TBC1D15: variants seen among roughly 807,000 people sequenced by gnomAD.
TBC1D15 encodes the protein TBC1 domain family member 15.
TBC1D15 carries 39 observed loss-of-function variants against 95.4 expected under a neutral mutation model. The ratio of observed to expected loss-of-function variants is 0.41; its 90% CI spans 0.32 to 0.53. The LOEUF (loss-of-function observed/expected upper bound fraction) is 0.53. Ranked by LOEUF, TBC1D15 falls within the 20% of genes least tolerant of loss-of-function variation. TBC1D15 has a pLI of 0.29. For synonymous variants in TBC1D15, 258 were observed against 261.3 expected, an observed-to-expected ratio of 0.99 and a Z score of 0.12; for missense variants, 733 against 794.3, an observed-to-expected ratio of 0.92 and a Z score of 0.93.
At chr12:71,922,922 C>A in intron 16 of TBC1D15, 61 bp from the exon 17 acceptor site, 5 of 1,488,112 alleles carry the variant, frequency 3.4e-6, no homozygotes, top group African/African-American at 1.4e-5. Context: ...AGAAGTGTTA[C>A]TTTGTGGTTA....
At position 71,865,984 on chromosome 12, in the gene TBC1D15, T is replaced by C. The variant is rs575632721; in HGVS notation, c.31-6086T>C. Among the ~76,000 whole-genome samples, 3 of 152,176 alleles carry C rather than the reference T, an allele frequency of 2.0e-5. No individual in the cohort carries two copies. In the East Asian group the frequency reaches 5.8e-4, roughly 30 times the overall value. ...ACTGTTTCAACTTGGGAACTGGGGA[T>C]ATGGGACTGCTCTGAGTGGCCAAAG... On this transcript the variant is annotated intron_variant, in intron 1 of 16. Coordinates refer to ENST00000485960, the MANE Select transcript of TBC1D15 (RefSeq NM_001146213.3).
At chr12:71,883,348 A>G (rs1368056675) in intron 4 of TBC1D15, among the ~76,000 whole-genome samples, 1 of 152,138 alleles carries the variant, frequency 6.6e-6, no homozygotes, top group Non-Finnish European at 1.5e-5. Context: ...AAAGTAGTCA[A>G]GTGGGCACAT....
At chr12:71,906,813 C>T (rs1471290445) in intron 10 of TBC1D15, among the ~76,000 whole-genome samples, 2 of 151,968 alleles carry the variant, frequency 1.3e-5, no homozygotes, top group Admixed American at 6.5e-5. Flanking sequence ...TTAAAATCTG[C>T]CCATGAGGAG....
In TBC1D15 at chr12:71,913,926, G is replaced by A. The variant is rs1366196996; in HGVS notation, c.1401G>A (p.Met467Ile). 1 of 1,577,950 alleles carries A rather than the reference G, an allele frequency of 6.3e-7. No individual in the cohort carries two copies. The highest frequency in any genetic ancestry group is 1.4e-5 in the African/African-American group (1 of 72,366). ...FWCFASYMDQ[M>I]HQNFEEQMQG... ...GCTTTGCCTCTTACATGGACCAAAT[G>A]GTAAGAACAGAGATTCCTTCCATTA... The change falls in exon 12 of 17, where the codon ATG (methionine) becomes ATA (isoleucine). Residue 467 changes from methionine to isoleucine, a missense_variant and splice_region_variant. Transcript: ENST00000485960.
chr12:71,843,419 A>C (rs1470625103), intron 1 of TBC1D15, among the ~76,000 whole-genome samples: 3 of 152,116 alleles, frequency 2.0e-5, no homozygotes, highest in Non-Finnish European at 2.9e-5. Flanking sequence ...TAGTCCTATA[A>C]AATTTTTGTG....
chr12:71,869,508 G>A (rs1462591506), intron 1 of TBC1D15, among the ~76,000 whole-genome samples: 1 of 152,106 alleles, frequency 6.6e-6, no homozygotes, highest in East Asian at 1.9e-4. Context: ...GGGCAACAGA[G>A]CAAAACTGTG....
intron 3 of TBC1D15, among the ~76,000 whole-genome samples, chr12:71,875,430 C>T (rs867744022): frequency 7.2e-5 from 11 of 151,902 alleles, no homozygotes; most frequent in Admixed American, 2.6e-4. Flanking sequence ...GTGCTTTTGG[C>T]GTGTCATATC....
intron 1 of TBC1D15, among the ~76,000 whole-genome samples, chr12:71,865,400 C>T (rs1891275806): frequency 6.6e-6 from 1 of 152,050 alleles, no homozygotes; most frequent in South Asian, 2.1e-4. Context: ...CAGGGTGTGG[C>T]TACAGTTCAG....
chr12:71,895,110 C>A (rs1191960984), intron 7 of TBC1D15, among the ~76,000 whole-genome samples: 1 of 151,912 alleles, frequency 6.6e-6, no homozygotes, highest in African/African-American at 2.4e-5. Context: ...TCTTTGATTA[C>A]CTTTTGATAA....
At chr12:71,866,848 C>G (rs181955835) in intron 1 of TBC1D15, among the ~76,000 whole-genome samples, 1 of 152,174 alleles carries the variant, frequency 6.6e-6, no homozygotes. Context: ...GCCTTCTAGA[C>G]GACCATCTTG....
chr12:71,894,861 C>G lies in TBC1D15; in HGVS notation c.833C>G (p.Pro278Arg). 6.2e-7 allele frequency: 1 copy of G among 1,612,678 alleles called. No homozygotes were observed. Among genetic ancestry groups the G allele is most frequent in the Non-Finnish European group, 8.5e-7 (1 of 1,179,050 alleles). ...PGLKINQQEEPGFEVITRIDL... is the reference protein window; with the variant it reads ...PGLKINQQEERGFEVITRIDL... ...CTAAAGATAAATCAACAAGAAGAACCAGGATTTGAAGTCATCACAAGAGTG... is the reference window on the plus strand; with the variant it reads ...CTAAAGATAAATCAACAAGAAGAACGAGGATTTGAAGTCATCACAAGAGTG... The change falls in exon 7 of 17, where the codon CCA (proline) becomes CGA (arginine). Residue 278 changes from proline to arginine, a missense_variant. Physicochemically the swap from Pro to Arg is moderately radical, Grantham distance 103. Transcript: ENST00000485960.
Position 71,848,869 on chromosome 12 carries a change from C to T in TBC1D15, c.30+9058C>T, listed in dbSNP as rs1887007597. Among the ~76,000 whole-genome samples, 4 of 152,228 alleles carry T rather than the reference C, an allele frequency of 2.6e-5. No homozygotes were observed. In the South Asian group the frequency reaches 8.3e-4, roughly 32 times the overall value. On this transcript the variant is annotated intron_variant, in intron 1 of 16. Transcript: ENST00000485960. ...GTTTGTCAAGCTCCTAGGCTTCATTCAGCCTGAAATTATACTTTTCTTGTT... is the reference window on the plus strand; with the variant it reads ...GTTTGTCAAGCTCCTAGGCTTCATTTAGCCTGAAATTATACTTTTCTTGTT...
intron 1 of TBC1D15, among the ~76,000 whole-genome samples, chr12:71,844,796 C>T (rs1885903038): frequency 6.6e-6 from 1 of 152,156 alleles, no homozygotes; most frequent in Non-Finnish European, 1.5e-5. Context: ...TCTCTGCATT[C>T]CTCTATTACA....
intron 2 of TBC1D15, 84 bp downstream of exon 2, chr12:71,872,252 C>A: frequency 1.4e-6 from 1 of 732,524 alleles, no homozygotes; most frequent in Non-Finnish European, 2.1e-6. Context: ...GTTTGAATTT[C>A]ATGTGTAAGA....
At chr12:71,853,269 T>C (rs1888275440) in intron 1 of TBC1D15, among the ~76,000 whole-genome samples, 1 of 152,196 alleles carries the variant, frequency 6.6e-6, no homozygotes, top group Admixed American at 6.5e-5. Context: ...GAACTCACTA[T>C]TGACATGACA....
At chr12:71,886,462 G>A (rs185796918) in intron 5 of TBC1D15, among the ~76,000 whole-genome samples, 134 of 152,300 alleles carry the variant, frequency 8.8e-4, no homozygotes, top group African/African-American at 3.1e-3. Flanking sequence ...GAGCCACTGC[G>A]CCTGGCTGCT....
intron 1 of TBC1D15, among the ~76,000 whole-genome samples, chr12:71,860,065 G>GTT (rs752913277): frequency 9.2e-5 from 14 of 152,274 alleles, no homozygotes; most frequent in Non-Finnish European, 2.1e-4. Flanking sequence ...TCAAAAATCA[G>GTT]TTGGCTCTAA....
chr12:71,850,135 A>T (rs1592691058), intron 1 of TBC1D15: 1 of 536,146 alleles, frequency 1.9e-6, no homozygotes, highest in Non-Finnish European at 3.6e-6. Flanking sequence ...CAAATACTCC[A>T]TTCTCATGAT....
chr12:71,916,653 C>G, intron 12 of TBC1D15, among the ~76,000 whole-genome samples: 1 of 152,078 alleles, frequency 6.6e-6, no homozygotes, highest in East Asian at 1.9e-4. Flanking sequence ...AAGGCTTTCA[C>G]TAGGGTTAGG....
Sources: gnomAD v4.1 joint callset for allele counts (sites outside exome capture counted in the v4.1 genomes callset) on GRCh38, gnomAD v4.1.1 for gene constraint, MANE v1.5 for transcripts, NCBI Gene and HGNC (gene_info 2026-07-23, HGNC 2026-07-21) for gene names.